Variants in YAF2 observed in about 807,000 individuals in gnomAD.
The protein encoded by YAF2 is YY1-associated factor 2.
Under a neutral mutation model 20.1 loss-of-function variants are expected in YAF2, and 7 were observed. That is an observed-to-expected ratio of 0.35 (90% CI 0.20 to 0.65). The LOEUF (loss-of-function observed/expected upper bound fraction) is 0.65, where lower values mean the gene tolerates loss of function less well. YAF2 is among the 30% of genes least tolerant of loss of function. The probability of loss-of-function intolerance (pLI) is 0.69; values close to 1 mark genes in which losing one functional copy is unlikely to be tolerated. For synonymous variants in YAF2, 74 were observed against 76.0 expected (o/e 0.97, Z 0.14); for missense variants, 151 against 219.2 (o/e 0.69, Z 1.96).
At chr12:42,206,238 ATATT>A (rs1453759184) in intron 2 of YAF2, among the ~76,000 whole-genome samples, 2 of 151,820 alleles carry the variant, frequency 1.3e-5, no homozygotes, top group East Asian at 1.9e-4. Context: ...TTTTACATAA[ATATT>A]TATTGTTTCT....
intron 2 of YAF2, among the ~76,000 whole-genome samples, chr12:42,213,142 T>G: frequency 6.6e-6 from 1 of 152,238 alleles, no homozygotes; most frequent in East Asian, 1.9e-4. Flanking sequence ...TCCAGATATC[T>G]TGCTCTGGGG....
intron 2 of YAF2, among the ~76,000 whole-genome samples, chr12:42,174,452 A>T (rs889020386): frequency 1.3e-5 from 2 of 152,124 alleles, no homozygotes; most frequent in African/African-American, 4.8e-5. Context: ...ACTCTTTCAC[A>T]GTTTCATTTA....
intron 2 of YAF2, 51 bp downstream of exon 2, chr12:42,237,548 C>T: frequency 6.8e-7 from 1 of 1,474,142 alleles, no homozygotes; most frequent in South Asian, 1.3e-5. Context: ...AGGGCGTCCT[C>T]TGGTCGCCAC....
intron 2 of YAF2, among the ~76,000 whole-genome samples, chr12:42,169,279 C>T (rs575345177): frequency 2.0e-5 from 3 of 152,290 alleles, no homozygotes; most frequent in African/African-American, 7.2e-5. Flanking sequence ...CTTTCTTATT[C>T]CTCTTCCTAC....
chr12:42,197,833 A>G (rs1365965418), intron 2 of YAF2, among the ~76,000 whole-genome samples: 1 of 152,242 alleles, frequency 6.6e-6, no homozygotes, highest in African/African-American at 2.4e-5. Context: ...ATGGATAACT[A>G]GTATTAGAAG....
At chr12:42,231,757 G>C (rs1285499081) in intron 2 of YAF2, 1 of 152,160 alleles carries the variant, frequency 6.6e-6, no homozygotes, top group Non-Finnish European at 1.5e-5. Flanking sequence ...TCTCAGAAAA[G>C]TCTTTATACA....
At chr12:42,191,359 A>G (rs61940206) in intron 2 of YAF2, among the ~76,000 whole-genome samples, 1,777 of 152,202 alleles carry the variant, frequency 0.012, 21 homozygotes, top group South Asian at 0.018. Context: ...TTTTCTAATA[A>G]TATGAATCCA....
At chr12:42,167,840 T>C (rs2065951707) in intron 2 of YAF2, among the ~76,000 whole-genome samples, 1 of 152,134 alleles carries the variant, frequency 6.6e-6, no homozygotes, top group Admixed American at 6.5e-5. Flanking sequence ...ACCCTGTCTC[T>C]ATAAAGTTAC....
chr12:42,172,108 G>GA lies in YAF2; in HGVS notation c.153-10344dup, dbSNP rs1203054284. On this transcript the variant is annotated intron_variant, in intron 2 of 3. Coordinates refer to ENST00000534854, the MANE Select transcript of YAF2 (RefSeq NM_005748.6). ...ATTTGATTTAGTTGTGCAATGCTGGGAAAATCCTTATTCACACAGTTAAGT... is the reference window on the plus strand; with the variant it reads ...ATTTGATTTAGTTGTGCAATGCTGGGAAAAATCCTTATTCACACAGTTAAGT... The GA allele has an allele frequency of 2.6e-5, 4 of 152,248 alleles. No homozygotes were observed. In the South Asian group the frequency reaches 6.2e-4, roughly 24 times the overall value. The allele number at this position is 152,248 out of a possible 1,614,324, so 9.4% of individuals were successfully genotyped here.
At chr12:42,191,304 A>C (rs2137101288) in intron 2 of YAF2, among the ~76,000 whole-genome samples, 1 of 152,234 alleles carries the variant, frequency 6.6e-6, no homozygotes, top group South Asian at 2.1e-4. Flanking sequence ...CTAGATTATC[A>C]GTGTCTCTTT....
intron 2 of YAF2, among the ~76,000 whole-genome samples, chr12:42,227,627 G>C: frequency 6.7e-6 from 1 of 150,290 alleles, no homozygotes; most frequent in East Asian, 2.0e-4. Context: ...GAGAAGTTAG[G>C]AGCCCCTCCG....
chr12:42,195,002 A>T lies in YAF2; in HGVS notation c.153-33237T>A, dbSNP rs536678910. Among the ~76,000 whole-genome samples the T allele has an allele frequency of 2.0e-5, 3 of 152,330 alleles. No homozygotes were observed. In the East Asian group the frequency reaches 5.8e-4, roughly 29 times the overall value. On this transcript the variant is annotated intron_variant, in intron 2 of 3. Transcript: ENST00000534854. ...GTACATCAAGATCTTCTAAACTCCA[A>T]TATTAGTTAAAATATTATACCAACA... is the stretch of plus-strand genomic sequence containing the variant.
intron 2 of YAF2, among the ~76,000 whole-genome samples, chr12:42,211,427 CA>C (rs34683165): frequency 0.28 from 14,758 of 51,784 alleles, 423 homozygotes; most frequent in East Asian, 0.39. Flanking sequence ...ACTCTGTCTC[CA>C]AAAAAAAAAA....
At chr12:42,161,154 A>G (rs1160441050) in intron 3 of YAF2, 1 of 314,866 alleles carries the variant, frequency 3.2e-6, no homozygotes. Context: ...TAGTTGCACC[A>G]TGGAGGAAGG....
intron 2 of YAF2, among the ~76,000 whole-genome samples, chr12:42,186,226 G>C (rs1724365860): frequency 6.7e-6 from 1 of 150,270 alleles, no homozygotes; most frequent in Non-Finnish European, 1.5e-5. Context: ...GGGCTTGGTG[G>C]CTCAGGCCTG....
At chr12:42,217,871 G>T (rs1032766566) in intron 2 of YAF2, among the ~76,000 whole-genome samples, 2 of 152,168 alleles carry the variant, frequency 1.3e-5, no homozygotes, top group Non-Finnish European at 2.9e-5. Flanking sequence ...AGCCTTCAGA[G>T]ATGAAGCCTG....
At chr12:42,199,275 A>G (rs1031286668) in intron 2 of YAF2, 3 of 1,122,800 alleles carry the variant, frequency 2.7e-6, no homozygotes, top group Non-Finnish European at 3.5e-6. Context: ...AACACTATGT[A>G]CACATGGAAC....
chr12:42,207,602 G>GT (rs1317355715), intron 2 of YAF2, among the ~76,000 whole-genome samples: 4 of 152,086 alleles, frequency 2.6e-5, no homozygotes, highest in Admixed American at 6.5e-5. Context: ...TAAAAAACTG[G>GT]TAAGTGTAGG....
intron 2 of YAF2, among the ~76,000 whole-genome samples, chr12:42,200,306 G>T (rs944217993): frequency 6.6e-6 from 1 of 152,170 alleles, no homozygotes; most frequent in Non-Finnish European, 1.5e-5. Flanking sequence ...AAACAGATTT[G>T]CATGTATCAA....
Sources: allele counts gnomAD v4.1 joint callset (sites outside exome capture counted in the v4.1 genomes callset), GRCh38; gene constraint gnomAD v4.1.1; transcripts MANE v1.5; gene names NCBI Gene and HGNC (gene_info 2026-07-23, HGNC 2026-07-21).